L2HGDH: variants seen among roughly 807,000 people sequenced by gnomAD.
The protein encoded by L2HGDH is L-2-hydroxyglutarate dehydrogenase, mitochondrial.
In L2HGDH, 34 loss-of-function variants were observed where a neutral mutation model predicts 51.5. The observed-to-expected ratio is 0.66, with a 90% CI of 0.50 to 0.88. The LOEUF (loss-of-function observed/expected upper bound fraction) is 0.88, where lower values mean the gene tolerates loss of function less well. Ranked by LOEUF, L2HGDH falls within the 40% of genes least tolerant of loss-of-function variation. The pLI is 0.00. For missense variants in L2HGDH, 558 were observed against 571.9 expected, an observed-to-expected ratio of 0.98 and a Z score of 0.25; for synonymous variants, 198 against 197.9, an observed-to-expected ratio of 1.00 and a Z score of -0.01.
chr14:50,260,613 C>T (rs1888962875), intron 9 of L2HGDH, among the ~76,000 whole-genome samples: 1 of 152,006 alleles, frequency 6.6e-6, no homozygotes, highest in Non-Finnish European at 1.5e-5. Context: ...CCTTACTTTC[C>T]CTTACTCTCA....
At position 50,287,260 on chromosome 14, in the gene L2HGDH, G is replaced by T. The variant is rs1890612698; in HGVS notation, c.541-3227C>A. 10 of 983,870 alleles carry T rather than the reference G, an allele frequency of 1.0e-5. 1 individual carries two copies. The South Asian group carries it at 4.2e-4, about 42-fold the overall frequency. 60.9% of individuals were successfully genotyped at this position (983,870 alleles called of 1,614,324 possible). ...ACTTTTACAACATCTGAAAAGTTTTGTTTTTTTCAGTAATGCATAATATAA... is the reference window on the plus strand; with the variant it reads ...ACTTTTACAACATCTGAAAAGTTTTTTTTTTTTCAGTAATGCATAATATAA... On this transcript the variant is annotated intron_variant, in intron 4 of 9. Transcript: ENST00000267436.
intron 1 of L2HGDH, among the ~76,000 whole-genome samples, chr14:50,309,838 A>G (rs1595159288): frequency 6.6e-6 from 1 of 151,968 alleles, no homozygotes; most frequent in African/African-American, 2.4e-5. Flanking sequence ...GCAAGCCACC[A>G]CACCTGGCTA....
chr14:50,295,030 A>C (rs1306428745), intron 3 of L2HGDH, among the ~76,000 whole-genome samples: 1 of 152,240 alleles, frequency 6.6e-6, no homozygotes, highest in African/African-American at 2.4e-5. Flanking sequence ...AGTGGAATCA[A>C]AGGACTCTAT....
At chr14:50,310,906 T>C (rs764890508) in intron 1 of L2HGDH, among the ~76,000 whole-genome samples, 3 of 151,374 alleles carry the variant, frequency 2.0e-5, no homozygotes, top group Non-Finnish European at 4.4e-5. Flanking sequence ...AACATTTAAT[T>C]ATTAGCCTCT....
Position 50,243,663 on chromosome 14 carries a change from T to A in L2HGDH, c.*3395A>T, listed in dbSNP as rs1423073673. The A allele has an allele frequency of 4.0e-5, 7 of 176,416 alleles. No homozygotes were observed. Among genetic ancestry groups the A allele is most frequent in the Non-Finnish European group, 6.4e-5 (7 of 109,244 alleles). The allele number at this position is 176,416 out of a possible 1,614,324, so 10.9% of individuals were successfully genotyped here. A position where few individuals can be genotyped will look rare whatever the true frequency, so the allele number is the denominator to read the frequency against. On this transcript the variant is annotated 3_prime_UTR_variant, in exon 10 of 10. Coordinates refer to ENST00000267436, the MANE Select transcript of L2HGDH (RefSeq NM_024884.3). ...TTTCATTTTTATTTTTCAGGGTATT[T>A]TATATATATATATATATATATATTG...
intron 1 of L2HGDH, chr14:50,311,371 T>C (rs1299175662): frequency 4.4e-6 from 2 of 455,958 alleles, no homozygotes; most frequent in Admixed American, 4.7e-5. Context: ...ATGGCCCACC[T>C]TCTAGTCGTC....
intron 4 of L2HGDH, among the ~76,000 whole-genome samples, chr14:50,286,283 GC>G (rs1890560278): frequency 6.6e-6 from 1 of 152,176 alleles, no homozygotes; most frequent in South Asian, 2.1e-4. Context: ...CAGAGAGGGA[GC>G]AGTCAAGAGT....
intron 9 of L2HGDH, among the ~76,000 whole-genome samples, chr14:50,248,430 T>C (rs1346553156): frequency 6.6e-6 from 1 of 152,226 alleles, no homozygotes; most frequent in East Asian, 1.9e-4. Flanking sequence ...ATAATAGTAA[T>C]AGCTATTATT....
In L2HGDH at chr14:50,245,202, G is replaced by C. The variant is rs759477268; in HGVS notation, c.*1856C>G. 2.0e-6 allele frequency: 2 copies of C among 985,040 alleles called. No homozygotes were observed. Among genetic ancestry groups the C allele is most frequent in the East Asian group, 1.1e-4 (1 of 8,822 alleles). 61.0% of individuals were successfully genotyped at this position (985,040 alleles called of 1,614,324 possible). A position where few individuals can be genotyped will look rare whatever the true frequency, so the allele number is the denominator to read the frequency against. On this transcript the variant is annotated 3_prime_UTR_variant, in exon 10 of 10. Coordinates refer to ENST00000267436, the MANE Select transcript of L2HGDH (RefSeq NM_024884.3). ...ATAGGAGCCCTGAAAAATCAAGTAC[G>C]TATGAATCATTACCAATCTTGGCCA... is the stretch of plus-strand genomic sequence containing the variant.
intron 1 of L2HGDH, among the ~76,000 whole-genome samples, chr14:50,305,893 T>C (rs1401246121): frequency 3.3e-5 from 5 of 152,370 alleles, no homozygotes; most frequent in South Asian, 2.1e-4. Flanking sequence ...GGATCACTTA[T>C]ACTACATAGT....
chr14:50,270,763 C>T (rs1212553608), intron 6 of L2HGDH, among the ~76,000 whole-genome samples: 1 of 151,974 alleles, frequency 6.6e-6, no homozygotes, highest in Non-Finnish European at 1.5e-5. Flanking sequence ...GCCTCGGCCT[C>T]CCAAAGTGCT....
At chr14:50,293,685 C>T (rs1412088000) in intron 4 of L2HGDH, among the ~76,000 whole-genome samples, 1 of 152,174 alleles carries the variant, frequency 6.6e-6, no homozygotes, top group African/African-American at 2.4e-5. Context: ...ATAGATCAGA[C>T]ACTACAGCTG....
Position 50,286,748 on chromosome 14 carries a change from C to T in L2HGDH, c.541-2715G>A, listed in dbSNP as rs567044668. 6.6e-5 allele frequency among the ~76,000 whole-genome samples: 10 copies of T among 152,188 alleles called. No homozygotes were observed. The South Asian group carries it at 2.1e-3, about 32-fold the overall frequency. On this transcript the variant is annotated intron_variant, in intron 4 of 9. Transcript: ENST00000267436. ...GGCCTCAGAGAGAAGCAGAATATGC[C>T]TCTTTTGTAAGTTATTTTACTCATT...
chr14:50,277,372 T>A (rs892614161), intron 6 of L2HGDH, among the ~76,000 whole-genome samples: 1 of 152,044 alleles, frequency 6.6e-6, no homozygotes, highest in African/African-American at 2.4e-5. Context: ...GGGTGGACTG[T>A]AGGGGTTTGT....
chr14:50,260,538 G>A (rs1323182003), intron 9 of L2HGDH, among the ~76,000 whole-genome samples: 1 of 152,164 alleles, frequency 6.6e-6, no homozygotes, highest in African/African-American at 2.4e-5. Flanking sequence ...CTCCAAGTCA[G>A]CATCAGCACC....
At chr14:50,253,851 A>AT (rs1040115629) in intron 9 of L2HGDH, among the ~76,000 whole-genome samples, 2 of 152,214 alleles carry the variant, frequency 1.3e-5, no homozygotes, top group African/African-American at 4.8e-5. Context: ...CTATTCAGCC[A>AT]TTAAAAAGAA....
intron 4 of L2HGDH, among the ~76,000 whole-genome samples, chr14:50,289,473 C>A (rs1221204431): frequency 6.6e-6 from 1 of 152,028 alleles, no homozygotes; most frequent in African/African-American, 2.4e-5. Flanking sequence ...AAAATTATAA[C>A]AAATTTAGTT....
chr14:50,308,845 C>T (rs1475788933), intron 1 of L2HGDH, among the ~76,000 whole-genome samples: 1 of 152,170 alleles, frequency 6.6e-6, no homozygotes, highest in Non-Finnish European at 1.5e-5. Flanking sequence ...TAGCCAAAAA[C>T]TGGAAGCAGC....
At chr14:50,251,297 A>T (rs1888335216) in intron 9 of L2HGDH, among the ~76,000 whole-genome samples, 1 of 152,172 alleles carries the variant, frequency 6.6e-6, no homozygotes, top group Admixed American at 6.6e-5. Context: ...GCTGAAAGAC[A>T]GGCTATTTGA....
Sources: allele counts gnomAD v4.1 joint callset (sites outside exome capture counted in the v4.1 genomes callset), GRCh38; gene constraint gnomAD v4.1.1; transcripts MANE v1.5; gene names NCBI Gene and HGNC (gene_info 2026-07-23, HGNC 2026-07-21).